The following ASXL3 variants were observed in gnomAD, a reference collection of about 807,000 sequenced individuals.
ASXL3 encodes the protein ASXL transcriptional regulator 3.
Under a neutral mutation model 170.6 loss-of-function variants are expected in ASXL3, and 34 were observed. That is an observed-to-expected ratio of 0.20 (90% CI 0.15 to 0.27). ASXL3 has a LOEUF of 0.27. Among genes scored for constraint, ASXL3 ranks in the 10% least tolerant of loss-of-function variants. The pLI, the probability that ASXL3 is intolerant of heterozygous loss-of-function variation, is 1.00. For missense variants in ASXL3, 2,592 were observed against 2,695.3 expected, an observed-to-expected ratio of 0.96 and a Z score of 0.85; for synonymous variants, 1,002 against 989.1, an observed-to-expected ratio of 1.01 and a Z score of -0.24.
intron 1 of ASXL3, among the ~76,000 whole-genome samples, chr18:33,596,474 C>T (rs1480589099): frequency 6.6e-6 from 1 of 152,114 alleles, no homozygotes. Flanking sequence ...AAATAAACAT[C>T]ATTGTTATTC....
intron 1 of ASXL3, among the ~76,000 whole-genome samples, chr18:33,604,938 T>C (rs2065227802): frequency 6.6e-6 from 1 of 151,898 alleles, no homozygotes; most frequent in Non-Finnish European, 1.5e-5. Flanking sequence ...TAGCAAAAAA[T>C]ATAAATTCGA....
intron 4 of ASXL3, among the ~76,000 whole-genome samples, chr18:33,648,235 G>A (rs566286192): frequency 9.9e-5 from 15 of 152,222 alleles, no homozygotes; most frequent in East Asian, 1.9e-4. Context: ...GAAAAAAGCA[G>A]GGAGACCCAT....
chr18:33,604,402 G>A (rs938332385), intron 1 of ASXL3, among the ~76,000 whole-genome samples: 29 of 151,918 alleles, frequency 1.9e-4, no homozygotes, highest in South Asian at 4.2e-4. Flanking sequence ...AAAATTCCTC[G>A]GAATTTAATT....
intron 1 of ASXL3, among the ~76,000 whole-genome samples, chr18:33,584,534 A>G (rs967641829): frequency 6.6e-6 from 1 of 152,162 alleles, no homozygotes; most frequent in African/African-American, 2.4e-5. Context: ...CTGTTTCTGA[A>G]TGTTTTCATT....
At chr18:33,660,368 A>C (rs886145489) in intron 4 of ASXL3, among the ~76,000 whole-genome samples, 2 of 152,124 alleles carry the variant, frequency 1.3e-5, no homozygotes, top group African/African-American at 4.8e-5. Context: ...ATTGCCTCTC[A>C]CGGGCCGCAT....
At position 33,683,705 on chromosome 18, in the gene ASXL3, A is replaced by G. The variant is rs1205347656; in HGVS notation, c.879+137A>G. The stretch of plus-strand genomic sequence containing the variant: ...TGCATTTCTATTTATTGCTGTCATT[A>G]GCTTATTTAATCCTCTAAAACAGAA... On this transcript the variant is annotated intron_variant, in intron 8 of 11. Coordinates refer to ENST00000269197, the MANE Select transcript of ASXL3 (RefSeq NM_030632.3). 14 of 948,344 alleles carry G rather than the reference A, an allele frequency of 1.5e-5. No homozygotes were observed. The South Asian group carries it at 1.9e-4, about 13-fold the overall frequency. 58.7% of individuals were successfully genotyped at this position (948,344 alleles called of 1,614,324 possible). A position where few individuals can be genotyped will look rare whatever the true frequency, so the allele number is the denominator to read the frequency against.
chr18:33,639,385 C>T (rs771936069), intron 2 of ASXL3, among the ~76,000 whole-genome samples: 24 of 152,020 alleles, frequency 1.6e-4, no homozygotes, highest in South Asian at 2.1e-4. Context: ...TGTTCGCCAC[C>T]GCCCTCCCCA....
chr18:33,732,118 T>C, intron 9 of ASXL3, 54 bp downstream of exon 9: 1 of 1,405,058 alleles, frequency 7.1e-7, no homozygotes, highest in Non-Finnish European at 9.9e-7. Flanking sequence ...CATACCGTAC[T>C]GAGCTTGTAC....
At chr18:33,658,787 T>A (rs1007571689) in intron 4 of ASXL3, among the ~76,000 whole-genome samples, 4 of 152,054 alleles carry the variant, frequency 2.6e-5, no homozygotes, top group African/African-American at 9.7e-5. Context: ...TTCTTGATGT[T>A]TTTCTTGGGT....
In ASXL3 at chr18:33,739,434, T is replaced by C; in HGVS notation, c.2030T>C (p.Met677Thr). ...STDENFHASL[M>T]SEISPISTSP... ...GATGAAAACTTTCATGCATCTTTGA[T>C]GTCAGAAATATCTCCAATATCCACT... The change falls in exon 11 of 12, where the codon ATG becomes ACG. Residue 677 changes from methionine (M) to threonine (T), a missense_variant. By Grantham distance (81) the Met-to-Thr change is moderately conservative. Around this residue, in one of 4 missense-constraint regions of ASXL3, gnomAD observed 2,246 missense variants for 2,219.6 expected, o/e 1.01. Transcript: ENST00000269197. The C allele has an allele frequency of 6.2e-7, 1 of 1,614,004 alleles. No homozygotes were observed. Among genetic ancestry groups the C allele is most frequent in the Non-Finnish European group, 8.5e-7 (1 of 1,179,886 alleles).
At chr18:33,584,273 A>G (rs1162106204) in intron 1 of ASXL3, among the ~76,000 whole-genome samples, 1 of 152,096 alleles carries the variant, frequency 6.6e-6, no homozygotes, top group African/African-American at 2.4e-5. Flanking sequence ...GGGGGGGCAT[A>G]GGCACTGGGA....
chr18:33,642,158 TAATAA>T, intron 2 of ASXL3, among the ~76,000 whole-genome samples: 1 of 152,044 alleles, frequency 6.6e-6, no homozygotes, highest in East Asian at 1.9e-4. Flanking sequence ...AATATAAAAA[TAATAA>T]AATTACATAA....
At position 33,721,477 on chromosome 18, in the gene ASXL3, A is replaced by G. The variant is rs141660294; in HGVS notation, c.880-10491A>G. The stretch of plus-strand genomic sequence containing the variant: ...TGTATATTAAAGTACATGTGTATAT[A>G]TGTTTAGATGGATATAGAGATGTAC... On this transcript the variant is annotated intron_variant, in intron 8 of 11. Coordinates refer to ENST00000269197, the MANE Select transcript of ASXL3 (RefSeq NM_030632.3). 4.9e-3 allele frequency among the ~76,000 whole-genome samples: 740 copies of G among 152,222 alleles called. 3 individuals carry two copies. The highest frequency in any genetic ancestry group is 7.5e-3 in the Non-Finnish European group (509 of 67,988).
chr18:33,669,915 A>G (rs1307318603), intron 5 of ASXL3, among the ~76,000 whole-genome samples: 1 of 152,200 alleles, frequency 6.6e-6, no homozygotes, highest in Non-Finnish European at 1.5e-5. Flanking sequence ...CTGTATTTCA[A>G]AACTTTTAAA....
At chr18:33,688,281 A>G (rs1204991931) in intron 8 of ASXL3, among the ~76,000 whole-genome samples, 1 of 152,190 alleles carries the variant, frequency 6.6e-6, no homozygotes, top group Non-Finnish European at 1.5e-5. Context: ...TACTGTAAAA[A>G]TCTGTTTTTT....
intron 8 of ASXL3, among the ~76,000 whole-genome samples, chr18:33,702,147 A>G (rs1039021451): frequency 1.3e-5 from 2 of 152,298 alleles, no homozygotes; most frequent in Admixed American, 6.5e-5. Flanking sequence ...TACTTTAGAT[A>G]TTTAAAGATA....
chr18:33,665,461 C>T (rs538242458), intron 5 of ASXL3, among the ~76,000 whole-genome samples: 104 of 152,246 alleles, frequency 6.8e-4, no homozygotes, highest in African/African-American at 2.4e-3. Flanking sequence ...TGAAACAGCC[C>T]GCTGTTTTCT....
chr18:33,609,348 C>T (rs1433682596), intron 2 of ASXL3, among the ~76,000 whole-genome samples: 1 of 151,976 alleles, frequency 6.6e-6, no homozygotes, highest in African/African-American at 2.4e-5. Context: ...ACATAAAAAG[C>T]ACCTCCTAAA....
At chr18:33,645,057 C>A in intron 3 of ASXL3, 55 bp downstream of exon 3, 2 of 1,261,502 alleles carry the variant, frequency 1.6e-6, no homozygotes, top group Non-Finnish European at 2.2e-6. Context: ...TTTTTTCAGA[C>A]ATGTGAAGGT....
Sources: allele counts gnomAD v4.1 joint callset (sites outside exome capture counted in the v4.1 genomes callset), GRCh38; gene constraint gnomAD v4.1.1; regional missense constraint gnomAD v4.1.1; transcripts MANE v1.5; gene names NCBI Gene and HGNC (gene_info 2026-07-23, HGNC 2026-07-21).